The following PDE4B variants were observed in gnomAD, a reference collection of about 807,000 sequenced individuals.
The protein encoded by PDE4B is phosphodiesterase 4B.
In PDE4B, 20 loss-of-function variants were observed where a neutral mutation model predicts 82.2. The observed-to-expected ratio is 0.24, with a 90% confidence interval of 0.17 to 0.35. PDE4B has a LOEUF of 0.35. Ranked by LOEUF, PDE4B falls within the 10% of genes least tolerant of loss-of-function variation. The probability of loss-of-function intolerance (pLI) is 1.00; values close to 1 mark genes in which losing one functional copy is unlikely to be tolerated. For synonymous variants in PDE4B, 320 were observed against 318.9 expected, an observed-to-expected ratio of 1.00 and a Z score of -0.04; for missense variants, 655 against 907.2, an observed-to-expected ratio of 0.72 and a Z score of 3.57.
At chr1:66,022,673 G>T (rs1286534709) in intron 3 of PDE4B, among the ~76,000 whole-genome samples, 2 of 152,198 alleles carry the variant, frequency 1.3e-5, no homozygotes, top group African/African-American at 2.4e-5. Flanking sequence ...GATTTTGGTG[G>T]ATAAGCTTTT....
intron 3 of PDE4B, among the ~76,000 whole-genome samples, chr1:66,233,629 T>A (rs1345443054): frequency 6.6e-6 from 1 of 152,204 alleles, no homozygotes; most frequent in Non-Finnish European, 1.5e-5. Context: ...CAGTCTTTTA[T>A]CTTAAAGGAT....
At chr1:65,893,890 A>C (rs993342619) in intron 1 of PDE4B, among the ~76,000 whole-genome samples, 1 of 152,140 alleles carries the variant, frequency 6.6e-6, no homozygotes, top group Non-Finnish European at 1.5e-5. Context: ...GAAGTGACTC[A>C]GGAATGGAAG....
intron 1 of PDE4B, among the ~76,000 whole-genome samples, chr1:65,876,334 C>T (rs938830800): frequency 4.6e-5 from 7 of 151,976 alleles, no homozygotes; most frequent in African/African-American, 1.7e-4. Flanking sequence ...TTGTCAGTAT[C>T]TGTTTTTCTG....
chr1:66,151,272 G>A (rs776446614), intron 3 of PDE4B, among the ~76,000 whole-genome samples: 3 of 152,146 alleles, frequency 2.0e-5, no homozygotes, highest in Admixed American at 2.0e-4. Context: ...AAAAGCAGCT[G>A]AAGCTGAAGT....
chr1:66,174,195 G>A (rs12062877), intron 3 of PDE4B, among the ~76,000 whole-genome samples: 2,526 of 152,224 alleles, frequency 0.017, 62 homozygotes, highest in African/African-American at 0.058. Flanking sequence ...ATTACACCAC[G>A]TCAATTAATT....
intron 7 of PDE4B, chr1:66,330,832 G>T: frequency 4.1e-6 from 4 of 975,794 alleles, no homozygotes; most frequent in Non-Finnish European, 4.9e-6. Flanking sequence ...ATGAAGAAAG[G>T]AAGGAAGGTA....
chr1:66,166,217 A>T (rs1646728385), intron 3 of PDE4B, among the ~76,000 whole-genome samples: 1 of 152,200 alleles, frequency 6.6e-6, no homozygotes, highest in Non-Finnish European at 1.5e-5. Flanking sequence ...TGGACTTCTA[A>T]TTTACTCCAT....
intron 3 of PDE4B, among the ~76,000 whole-genome samples, chr1:66,183,525 AT>A (rs1188395934): frequency 3.3e-5 from 5 of 152,120 alleles, no homozygotes; most frequent in Non-Finnish European, 7.4e-5. Flanking sequence ...AGTAGCTTTC[AT>A]TTCTTATTTA....
chr1:66,020,584 T>A (rs905729090), intron 3 of PDE4B, among the ~76,000 whole-genome samples: 5 of 152,122 alleles, frequency 3.3e-5, no homozygotes, highest in African/African-American at 1.2e-4. Flanking sequence ...TCTGTCCTTG[T>A]GATAGTTTGC....
intron 3 of PDE4B, among the ~76,000 whole-genome samples, chr1:66,137,315 G>A (rs949696413): frequency 6.6e-6 from 1 of 152,188 alleles, no homozygotes; most frequent in Non-Finnish European, 1.5e-5. Context: ...GGTTAGGACT[G>A]ATTAGAAGGA....
At chr1:66,213,184 G>C (rs562164133) in intron 3 of PDE4B, among the ~76,000 whole-genome samples, 1 of 152,250 alleles carries the variant, frequency 6.6e-6, no homozygotes, top group East Asian at 1.9e-4. Flanking sequence ...GGAATCTCCT[G>C]GAGATGATAT....
rs760590693 is a variant in PDE4B, at chr1:66,372,581, C to G, written c.2114C>G (p.Thr705Arg). The change falls in exon 17 of 17, where the codon ACA becomes AGA. Residue 705 changes from threonine to arginine, a missense_variant. Thr to Arg is a moderately conservative substitution (Grantham distance 71). This residue lies in a region of PDE4B where 119 missense variants were observed against 115.2 expected (regional missense o/e 1.03). Coordinates refer to ENST00000341517, the MANE Select transcript of PDE4B (RefSeq NM_002600.4). ...GAGGGACACAGCTATTTCAGCAGCA[C>G]AAAGACGCTTTGTGTGATTGATCCA... is the stretch of plus-strand genomic sequence containing the variant. ...EGEGHSYFSS[T>R]KTLCVIDPEN... The G allele has an allele frequency of 1.2e-6, 2 of 1,614,172 alleles. No homozygotes were observed. Among genetic ancestry groups the G allele is most frequent in the Admixed American group, 1.7e-5 (1 of 60,014 alleles).
intron 8 of PDE4B, among the ~76,000 whole-genome samples, chr1:66,348,680 AG>A (rs912773258): frequency 1.3e-5 from 2 of 151,550 alleles, no homozygotes; most frequent in Admixed American, 6.6e-5. Context: ...AAAAAAAAAA[AG>A]ATAAAGAAAA....
intron 1 of PDE4B, among the ~76,000 whole-genome samples, chr1:65,852,021 T>A (rs1423930997): frequency 6.6e-6 from 1 of 152,016 alleles, no homozygotes; most frequent in Non-Finnish European, 1.5e-5. Flanking sequence ...TTACACTGAT[T>A]GATTTTTGAA....
At chr1:65,937,110 T>G (rs1648192340) in intron 3 of PDE4B, among the ~76,000 whole-genome samples, 1 of 152,194 alleles carries the variant, frequency 6.6e-6, no homozygotes, top group Non-Finnish European at 1.5e-5. Flanking sequence ...AAGAAGATTA[T>G]AAATATGGTT....
At chr1:66,324,158 T>C (rs1185143528) in intron 7 of PDE4B, among the ~76,000 whole-genome samples, 1 of 152,142 alleles carries the variant, frequency 6.6e-6, no homozygotes, top group African/African-American at 2.4e-5. Flanking sequence ...ATCAAAGACA[T>C]AGTTTTGCCT....
chr1:65,861,510 G>A (rs781489146), intron 1 of PDE4B, among the ~76,000 whole-genome samples: 7 of 152,144 alleles, frequency 4.6e-5, no homozygotes, highest in Non-Finnish European at 1.0e-4. Context: ...TTTTTGCTTA[G>A]GATTGTCTTA....
intron 3 of PDE4B, among the ~76,000 whole-genome samples, chr1:66,092,142 T>A (rs1330030671): frequency 2.0e-5 from 3 of 152,046 alleles, no homozygotes; most frequent in African/African-American, 7.2e-5. Context: ...GATCCCCAGA[T>A]TAAAGTAATG....
intron 4 of PDE4B, among the ~76,000 whole-genome samples, chr1:66,256,351 A>G (rs531194753): frequency 2.0e-5 from 3 of 152,208 alleles, no homozygotes; most frequent in Non-Finnish European, 4.4e-5. Context: ...TATAATAGCA[A>G]TATTAAGAGT....
Sources: gnomAD v4.1 joint callset for allele counts (sites outside exome capture counted in the v4.1 genomes callset) on GRCh38, gnomAD v4.1.1 for gene constraint, gnomAD v4.1.1 regional missense constraint, MANE v1.5 for transcripts, NCBI Gene and HGNC (gene_info 2026-07-23, HGNC 2026-07-21) for gene names.